FSTL4: variants seen among roughly 807,000 people sequenced by gnomAD.
FSTL4 encodes follistatin like 4.
A neutral mutation model predicts 78.2 loss-of-function variants in FSTL4; 28 were observed. That is an observed-to-expected ratio of 0.36 (90% CI 0.27 to 0.49). The LOEUF (loss-of-function observed/expected upper bound fraction) is 0.49, where lower values mean the gene tolerates loss of function less well. Among genes scored for constraint, FSTL4 ranks in the 20% least tolerant of loss-of-function variants. The probability of loss-of-function intolerance (pLI) is 0.98; values close to 1 mark genes in which losing one functional copy is unlikely to be tolerated. For synonymous variants in FSTL4, 422 were observed against 440.5 expected, an observed-to-expected ratio of 0.96 and a Z score of 0.53; for missense variants, 922 against 1,084.9, an observed-to-expected ratio of 0.85 and a Z score of 2.11.
At chr5:133,261,007 T>C (rs1752508072) in intron 6 of FSTL4, among the ~76,000 whole-genome samples, 1 of 152,210 alleles carries the variant, frequency 6.6e-6, no homozygotes, top group Non-Finnish European at 1.5e-5. Context: ...AGTCTATGTT[T>C]GATTTTCTAA....
the FSTL4 span, among the ~76,000 whole-genome samples, chr5:133,837,504 G>A: frequency 1.3e-5 from 2 of 152,146 alleles, no homozygotes; most frequent in Non-Finnish European, 2.9e-5. Flanking sequence ...TGAGTTTCTG[G>A]ATGATGTGGC....
the FSTL4 span, among the ~76,000 whole-genome samples, chr5:133,625,354 T>A: frequency 6.6e-6 from 1 of 151,746 alleles, no homozygotes; most frequent in Non-Finnish European, 1.5e-5. Context: ...AGTTTATACA[T>A]TTTGAAGAAT....
At chr5:133,477,585 T>C (rs916045707) in intron 3 of FSTL4, among the ~76,000 whole-genome samples, 9 of 152,176 alleles carry the variant, frequency 5.9e-5, no homozygotes, top group Non-Finnish European at 1.5e-5. Flanking sequence ...TATCAAACAG[T>C]GCTGTGTGAT....
chr5:133,737,797 G>T, the FSTL4 span, among the ~76,000 whole-genome samples: 1 of 151,986 alleles, frequency 6.6e-6, no homozygotes, highest in Non-Finnish European at 1.5e-5. Context: ...TAGAGACGGG[G>T]TTTCACCAAC....
chr5:133,791,797 C>G, the FSTL4 span, among the ~76,000 whole-genome samples: 1 of 152,248 alleles, frequency 6.6e-6, no homozygotes, highest in Non-Finnish European at 1.5e-5. Context: ...GGTTTTGCAT[C>G]GATGTGGGAG....
At chr5:133,459,193 A>G (rs193140605) in intron 3 of FSTL4, among the ~76,000 whole-genome samples, 51 of 152,294 alleles carry the variant, frequency 3.3e-4, no homozygotes, top group African/African-American at 1.2e-3. Context: ...TGAGAGGCTG[A>G]AGCAAAGGGC....
intron 6 of FSTL4, among the ~76,000 whole-genome samples, chr5:133,264,339 G>A (rs1752598628): frequency 6.6e-6 from 1 of 152,092 alleles, no homozygotes; most frequent in Admixed American, 6.5e-5. Context: ...CCCGAGGCAG[G>A]GGAGATCACC....
chr5:133,593,137 G>C (rs1013432503), intron 2 of FSTL4, among the ~76,000 whole-genome samples: 1 of 152,064 alleles, frequency 6.6e-6, no homozygotes, highest in Non-Finnish European at 1.5e-5. Context: ...CACCCACATA[G>C]GATAGACACA....
At chr5:133,725,800 A>G in the FSTL4 span, among the ~76,000 whole-genome samples, 1 of 152,216 alleles carries the variant, frequency 6.6e-6, no homozygotes, top group South Asian at 2.1e-4. Context: ...CAGTCACATG[A>G]AAAGAGCAGT....
the FSTL4 span, among the ~76,000 whole-genome samples, chr5:133,730,339 G>A: frequency 6.6e-6 from 1 of 152,136 alleles, no homozygotes; most frequent in Non-Finnish European, 1.5e-5. Flanking sequence ...TCTTCTCACT[G>A]TGTCTTATTA....
intron 3 of FSTL4, 45 bp from the exon 4 acceptor site, chr5:133,401,031 G>GT: frequency 6.2e-7 from 1 of 1,601,610 alleles, no homozygotes; most frequent in South Asian, 1.1e-5. Context: ...AACACTCAGA[G>GT]GGTCTGGGGT....
At chr5:133,739,466 T>C in the FSTL4 span, among the ~76,000 whole-genome samples, 1 of 152,030 alleles carries the variant, frequency 6.6e-6, no homozygotes, top group Non-Finnish European at 1.5e-5. Flanking sequence ...AAAATCTGTG[T>C]TTATCTCACC....
At chr5:133,783,405 ACACCTTTCCCTCTC>A in the FSTL4 span, among the ~76,000 whole-genome samples, 1 of 152,210 alleles carries the variant, frequency 6.6e-6, no homozygotes. Context: ...ATTATTAATA[ACACCTTTCCCTCTC>A]AAAGGCATCC....
At chr5:133,545,984 G>A (rs1221789847) in intron 3 of FSTL4, among the ~76,000 whole-genome samples, 2 of 152,258 alleles carry the variant, frequency 1.3e-5, no homozygotes, top group Non-Finnish European at 2.9e-5. Context: ...TGGCTACATT[G>A]TGTTCATGCC....
intron 6 of FSTL4, among the ~76,000 whole-genome samples, chr5:133,277,828 G>T (rs1752920966): frequency 6.6e-6 from 1 of 152,210 alleles, no homozygotes; most frequent in African/African-American, 2.4e-5. Context: ...GGGGGTTCAT[G>T]CCAGGGACAC....
the FSTL4 span, among the ~76,000 whole-genome samples, chr5:133,724,941 A>T: frequency 6.6e-6 from 1 of 152,224 alleles, no homozygotes; most frequent in Non-Finnish European, 1.5e-5. Flanking sequence ...ATGAGCATTC[A>T]GGCATTCCAG....
rs1427409360 is a variant in FSTL4, at chr5:133,440,179, T to C, written c.161-39193A>G. ...GCTCTGGAACCCGGGGCTACACCCA[T>C]TCACTGAATAATTTCTGGGCGCTGT... is the stretch of plus-strand genomic sequence containing the variant. On this transcript the variant is annotated intron_variant, in intron 3 of 15. Transcript: ENST00000265342. This position sits in a 1 kb window ranked among gnomAD's most constrained non-coding sequence, Gnocchi z 4.1. Among the ~76,000 whole-genome samples, 1 of 152,074 alleles carries C rather than the reference T, an allele frequency of 6.6e-6. No individual in the cohort carries two copies. The highest frequency in any genetic ancestry group is 2.1e-4 in the South Asian group (1 of 4,826).
intron 4 of FSTL4, among the ~76,000 whole-genome samples, chr5:133,369,467 A>G (rs1755245234): frequency 6.6e-6 from 1 of 151,930 alleles, no homozygotes; most frequent in Non-Finnish European, 1.5e-5. Flanking sequence ...GGGGACTGAG[A>G]AAACAGTAAG....
the FSTL4 span, among the ~76,000 whole-genome samples, chr5:133,785,588 A>G: frequency 2.0e-5 from 3 of 152,212 alleles, no homozygotes; most frequent in East Asian, 5.8e-4. Flanking sequence ...ATGCACCCAT[A>G]AAATAGACTT....
Sources: allele counts gnomAD v4.1 joint callset (sites outside exome capture counted in the v4.1 genomes callset), GRCh38; gene constraint gnomAD v4.1.1; non-coding constraint Gnocchi (gnomAD v3.1); transcripts MANE v1.5; gene names NCBI Gene and HGNC (gene_info 2026-07-23, HGNC 2026-07-21).